The following ADIPOR2 variants were observed in gnomAD, a reference collection of about 807,000 sequenced individuals.
The protein encoded by ADIPOR2 is adiponectin receptor protein 2.
ADIPOR2 carries 18 observed loss-of-function variants against 40.9 expected under a neutral mutation model. That is an observed-to-expected ratio of 0.44 (90% CI 0.30 to 0.65). The LOEUF (loss-of-function observed/expected upper bound fraction) is 0.65. Ranked by LOEUF, ADIPOR2 falls within the 30% of genes least tolerant of loss-of-function variation. The pLI is 0.09. For synonymous variants in ADIPOR2, 165 were observed against 166.4 expected, an observed-to-expected ratio of 0.99 and a Z score of 0.06; for missense variants, 283 against 479.2, an observed-to-expected ratio of 0.59 and a Z score of 3.82.
At chr12:1,757,468 C>G in intron 2 of ADIPOR2, 1 of 727,702 alleles carries the variant, frequency 1.4e-6, no homozygotes, top group East Asian at 2.5e-5. Flanking sequence ...AGGTTAGCAC[C>G]TACAGTCACC....
At chr12:1,712,029 C>T (rs573868500) in intron 1 of ADIPOR2, among the ~76,000 whole-genome samples, 2 of 152,204 alleles carry the variant, frequency 1.3e-5, no homozygotes, top group East Asian at 1.9e-4. Context: ...GCTATCTGGC[C>T]GCTGGTCCCT....
chr12:1,786,176 T>C lies in ADIPOR2; in HGVS notation c.*104T>C. On this transcript the variant is annotated 3_prime_UTR_variant, in exon 8 of 8. Transcript: ENST00000357103. The stretch of plus-strand genomic sequence containing the variant: ...CAGTACCAGAGGAGCCCCAAAACTT[T>C]GACAGCCTCGTGGGCTTTGTGACGG... 2 of 1,474,174 alleles carry C rather than the reference T, an allele frequency of 1.4e-6. No homozygotes were observed. Among genetic ancestry groups the C allele is most frequent in the Non-Finnish European group, 1.8e-6 (2 of 1,096,504 alleles). 91.3% of individuals were successfully genotyped at this position (1,474,174 alleles called of 1,614,324 possible). A position where few individuals can be genotyped will look rare whatever the true frequency, so the allele number is the denominator to read the frequency against.
At chr12:1,767,547 T>C (rs1204992984) in intron 2 of ADIPOR2, among the ~76,000 whole-genome samples, 3 of 152,174 alleles carry the variant, frequency 2.0e-5, no homozygotes, top group South Asian at 2.1e-4. Context: ...GTTAGTAATA[T>C]CAGCTTGCTA....
chr12:1,722,926 T>C (rs1241898061), intron 1 of ADIPOR2, among the ~76,000 whole-genome samples: 2 of 152,204 alleles, frequency 1.3e-5, no homozygotes, highest in Non-Finnish European at 2.9e-5. Flanking sequence ...AAATGCTCCT[T>C]AAACTTTTAT....
intron 1 of ADIPOR2, among the ~76,000 whole-genome samples, chr12:1,730,222 G>GTT (rs74261157): frequency 2.1e-5 from 3 of 140,320 alleles, no homozygotes; most frequent in Admixed American, 7.2e-5. Flanking sequence ...GGGTATTAAA[G>GTT]TTTTTTTTTT....
At position 1,787,344 on chromosome 12, in the gene ADIPOR2, C is replaced by T. The variant is rs1314173657; in HGVS notation, c.*1272C>T. 2 of 152,256 alleles carry T rather than the reference C, an allele frequency of 1.3e-5. No homozygotes were observed. The highest frequency in any genetic ancestry group is 4.8e-5 in the African/African-American group (2 of 41,458). The allele number at this position is 152,256 out of a possible 1,614,324, so 9.4% of individuals were successfully genotyped here. The stretch of plus-strand genomic sequence containing the variant: ...TTGGTAAGCCTGGATGTGACAGACA[C>T]CTCGGCTCTCCTTGAATAAGAAAGC... On this transcript the variant is annotated 3_prime_UTR_variant, in exon 8 of 8. Transcript: ENST00000357103.
intron 2 of ADIPOR2, among the ~76,000 whole-genome samples, chr12:1,763,793 A>G (rs908362160): frequency 3.3e-5 from 5 of 152,124 alleles, no homozygotes; most frequent in Admixed American, 6.5e-5. Context: ...AGCCTGGACA[A>G]CATAGCGAAA....
intron 2 of ADIPOR2, chr12:1,758,097 T>A (rs1862183293): frequency 1.8e-6 from 1 of 560,784 alleles, no homozygotes; most frequent in Admixed American, 3.1e-5. Context: ...TTTACATTAA[T>A]TGATTTTTTT....
chr12:1,757,356 G>T (rs914969449), intron 2 of ADIPOR2: 9 of 700,704 alleles, frequency 1.3e-5, no homozygotes, highest in Non-Finnish European at 2.4e-5. Flanking sequence ...AAAAATGTTG[G>T]AAAGTTGAGT....
chr12:1,773,073 T>A, intron 3 of ADIPOR2, 112 bp downstream of exon 3: 1 of 1,317,336 alleles, frequency 7.6e-7, no homozygotes, highest in African/African-American at 1.5e-5. Flanking sequence ...GGGGAAGATC[T>A]GTGGCAAGAT....
At chr12:1,768,022 G>A (rs548446926) in intron 2 of ADIPOR2, among the ~76,000 whole-genome samples, 1 of 152,254 alleles carries the variant, frequency 6.6e-6, no homozygotes, top group South Asian at 2.1e-4. Context: ...AAATAATAAA[G>A]TTCTGTTGAT....
chr12:1,740,762 A>G (rs537026455), intron 1 of ADIPOR2, among the ~76,000 whole-genome samples: 1 of 152,352 alleles, frequency 6.6e-6, no homozygotes, highest in Non-Finnish European at 1.5e-5. Context: ...TTAGATACAT[A>G]TGGTGAACGA....
intron 2 of ADIPOR2, among the ~76,000 whole-genome samples, chr12:1,756,452 C>CTTTT (rs71055194): frequency 2.3e-5 from 3 of 132,412 alleles, no homozygotes; most frequent in African/African-American, 2.8e-5. Context: ...GCCTGGCCTT[C>CTTTT]TTTTTTTTTT....
chr12:1,718,825 T>C (rs2094692529), intron 1 of ADIPOR2, among the ~76,000 whole-genome samples: 1 of 152,188 alleles, frequency 6.6e-6, no homozygotes, highest in Admixed American at 6.5e-5. Context: ...GAAAGTCAGC[T>C]AGTGGGGTAG....
chr12:1,758,302 AG>A (rs1157553278), intron 2 of ADIPOR2, among the ~76,000 whole-genome samples: 1 of 152,220 alleles, frequency 6.6e-6, no homozygotes, highest in Non-Finnish European at 1.5e-5. Flanking sequence ...CTAATGCAAA[AG>A]TTAGCAGTAT....
chr12:1,726,201 A>T (rs1555167688), intron 1 of ADIPOR2, among the ~76,000 whole-genome samples: 2 of 150,202 alleles, frequency 1.3e-5, no homozygotes, highest in Non-Finnish European at 3.0e-5. Flanking sequence ...TAGAGTTGGG[A>T]TTTTTTTTTT....
At chr12:1,739,701 T>G (rs1043685770) in intron 1 of ADIPOR2, among the ~76,000 whole-genome samples, 1 of 152,210 alleles carries the variant, frequency 6.6e-6, no homozygotes, top group Non-Finnish European at 1.5e-5. Context: ...ATCTGGCCTT[T>G]TATTATAGAA....
At chr12:1,728,983 A>G (rs1286676292) in intron 1 of ADIPOR2, among the ~76,000 whole-genome samples, 1 of 122,884 alleles carries the variant, frequency 8.1e-6, no homozygotes, top group Non-Finnish European at 1.8e-5. Flanking sequence ...TTTTTTTTTA[A>G]CAAGACAGTC....
At chr12:1,691,469 C>T (rs910260988) in intron 1 of ADIPOR2, among the ~76,000 whole-genome samples, 4 of 152,184 alleles carry the variant, frequency 2.6e-5, no homozygotes, top group African/African-American at 9.6e-5. Flanking sequence ...TTCCCCTCGC[C>T]TCGCCTTTCG....
Sources: gnomAD v4.1 joint callset for allele counts (sites outside exome capture counted in the v4.1 genomes callset) on GRCh38, gnomAD v4.1.1 for gene constraint, MANE v1.5 for transcripts, NCBI Gene and HGNC (gene_info 2026-07-23, HGNC 2026-07-21) for gene names.